PTPRN2: variants seen among roughly 807,000 people sequenced by gnomAD.
PTPRN2 encodes protein tyrosine phosphatase receptor type N2.
Under a neutral mutation model 118.8 loss-of-function variants are expected in PTPRN2, and 74 were observed. That is an observed-to-expected ratio of 0.62 (90% CI 0.52 to 0.76). PTPRN2 has a LOEUF of 0.76. PTPRN2 is among the 30% of genes least tolerant of loss of function. The pLI is 0.00. For missense variants in PTPRN2, 1,481 were observed against 1,394.4 expected, an observed-to-expected ratio of 1.06 and a Z score of -0.99; for synonymous variants, 641 against 608.0, an observed-to-expected ratio of 1.05 and a Z score of -0.80.
chr7:158,053,931 CGCAGAGACTCCAGAGAT>C (rs1381846387), intron 11 of PTPRN2, among the ~76,000 whole-genome samples: 3 of 127,334 alleles, frequency 2.4e-5, no homozygotes, highest in Non-Finnish European at 1.6e-5. Context: ...ACTCCAGAGA[CGCAGAGACTCCAGAGAT>C]GCAGAGACCC....
chr7:158,012,240 C>A (rs1485122006), intron 11 of PTPRN2, among the ~76,000 whole-genome samples: 2 of 152,058 alleles, frequency 1.3e-5, no homozygotes, highest in African/African-American at 4.8e-5. Context: ...TCAGTGAGTG[C>A]GTGAATAGGT....
At chr7:157,553,558 G>A (rs980818234) in intron 21 of PTPRN2, among the ~76,000 whole-genome samples, 1 of 152,212 alleles carries the variant, frequency 6.6e-6, no homozygotes, top group Non-Finnish European at 1.5e-5. Context: ...TGTGGTTTGT[G>A]AGGAAAAGTG....
intron 12 of PTPRN2, among the ~76,000 whole-genome samples, chr7:157,744,116 CAT>C (rs1386175650): frequency 1.1e-4 from 17 of 152,340 alleles, no homozygotes; most frequent in East Asian, 9.7e-4. Flanking sequence ...TAATTCAACA[CAT>C]GTTTCCTGAG....
At chr7:158,011,712 A>G (rs1437262528) in intron 11 of PTPRN2, among the ~76,000 whole-genome samples, 1 of 152,218 alleles carries the variant, frequency 6.6e-6, no homozygotes, top group Non-Finnish European at 1.5e-5. Flanking sequence ...ATCGGGGACA[A>G]GGGGTTTGAA....
intron 3 of PTPRN2, among the ~76,000 whole-genome samples, chr7:158,293,015 T>C (rs1174532774): frequency 6.6e-6 from 1 of 150,726 alleles, no homozygotes; most frequent in African/African-American, 2.4e-5. Context: ...TTGCAGTGAG[T>C]CAAGATCACG....
At chr7:158,120,060 G>C (rs1054444413) in intron 9 of PTPRN2, among the ~76,000 whole-genome samples, 1 of 152,204 alleles carries the variant, frequency 6.6e-6, no homozygotes. Flanking sequence ...CAACAGGGAT[G>C]AACCCTGAAA....
chr7:158,146,487 T>C (rs1348391080), intron 6 of PTPRN2, among the ~76,000 whole-genome samples: 1 of 152,104 alleles, frequency 6.6e-6, no homozygotes, highest in Non-Finnish European at 1.5e-5. Context: ...TTTGGGACGC[T>C]GAGGCATGCG....
At position 157,580,710 on chromosome 7, in the gene PTPRN2, C is replaced by G. The variant is rs1461136158; in HGVS notation, c.2497-2570G>C. On this transcript the variant is annotated intron_variant, in intron 17 of 22. Coordinates refer to ENST00000389418, the MANE Select transcript of PTPRN2 (RefSeq NM_002847.5). ...CCAGCACCTGGACACCCGAGCCCCT[C>G]CACACTCCAGCACCTGGACACACCA... Among the ~76,000 whole-genome samples the G allele has an allele frequency of 9.5e-4, 101 of 106,088 alleles. 3 individuals are homozygous for G. The highest frequency in any genetic ancestry group is 8.5e-3 in the Middle Eastern group (1 of 118). The allele number at this position is 106,088 out of a possible 152,430, so 69.6% of individuals were successfully genotyped here. A position where few individuals can be genotyped will look rare whatever the true frequency, so the allele number is the denominator to read the frequency against.
Position 157,808,817 on chromosome 7 carries a change from G to A in PTPRN2, c.1788+89856C>T, listed in dbSNP as rs986201910. On this transcript the variant is annotated intron_variant, in intron 12 of 22. Transcript: ENST00000389418. The surrounding 1 kb of genome is among the most constrained non-coding windows in gnomAD (Gnocchi z 5.0). ...CTGGACAAACCCTGGGCCTGGAATT[G>A]ACCTTGTTGAAAACACTCTTTTGGA... 1.4e-4 allele frequency among the ~76,000 whole-genome samples: 22 copies of A among 152,140 alleles called. No homozygotes were observed. The highest frequency in any genetic ancestry group is 5.3e-4 in the African/African-American group (22 of 41,446).
At chr7:158,124,726 G>A (rs1309068187) in intron 9 of PTPRN2, among the ~76,000 whole-genome samples, 1 of 152,078 alleles carries the variant, frequency 6.6e-6, no homozygotes, top group East Asian at 1.9e-4. Context: ...CGGGGCGGAG[G>A]GAGGGCCTGG....
At chr7:157,703,523 G>C (rs1411780236) in intron 12 of PTPRN2, among the ~76,000 whole-genome samples, 2 of 152,198 alleles carry the variant, frequency 1.3e-5, no homozygotes, top group African/African-American at 2.4e-5. Flanking sequence ...GCTAAGTTTC[G>C]GGATAACTCG....
intron 11 of PTPRN2, among the ~76,000 whole-genome samples, chr7:158,052,516 C>G (rs1454653420): frequency 6.6e-6 from 1 of 152,212 alleles, no homozygotes; most frequent in Non-Finnish European, 1.5e-5. Flanking sequence ...GAGTCTCCGC[C>G]GCATGGATGG....
At position 158,158,573 on chromosome 7, in the gene PTPRN2, GCCGGGA is replaced by G. The variant is rs1385718704; in HGVS notation, c.910+8352_910+8357del. Reference sequence around the variant, plus strand: ...GGAGAATCAGGAGCCCGTGTGATTGGCCGGGACTTCGCAAGTGCTTTCTGAATGAAT... The same window carrying G: ...GGAGAATCAGGAGCCCGTGTGATTGGCTTCGCAAGTGCTTTCTGAATGAAT... On this transcript the variant is annotated intron_variant, in intron 6 of 22. Coordinates refer to ENST00000389418, the MANE Select transcript of PTPRN2 (RefSeq NM_002847.5). Among the ~76,000 whole-genome samples the G allele has an allele frequency of 1.0e-3, 152 of 150,216 alleles. 9 individuals are homozygous for G. In the East Asian group the frequency reaches 0.011, roughly 11 times the overall value.
Position 158,518,292 on chromosome 7 carries a change from T to C in PTPRN2, c.113-28507A>G, listed in dbSNP as rs1014328153. On this transcript the variant is annotated intron_variant, in intron 1 of 22. Coordinates refer to ENST00000389418, the MANE Select transcript of PTPRN2 (RefSeq NM_002847.5). ...GGTGGGAGAAGGATATGAACATTAA[T>C]AGAGACGATACGGATTTCACGGGGT... Among the ~76,000 whole-genome samples, 8 of 152,184 alleles carry C rather than the reference T, an allele frequency of 5.3e-5. No homozygotes were observed. In the East Asian group the frequency reaches 1.5e-3, roughly 29 times the overall value.
chr7:158,286,983 T>C (rs1799809837), intron 3 of PTPRN2, among the ~76,000 whole-genome samples: 1 of 152,216 alleles, frequency 6.6e-6, no homozygotes, highest in Non-Finnish European at 1.5e-5. Flanking sequence ...GGTCCTGAAC[T>C]CTTTTTATGG....
At chr7:158,484,672 TTGTATAAA>T (rs1240883382) in intron 2 of PTPRN2, among the ~76,000 whole-genome samples, 2 of 152,168 alleles carry the variant, frequency 1.3e-5, no homozygotes, top group East Asian at 3.9e-4. Context: ...CCTGGACATT[TTGTATAAA>T]TGAAATCATG....
chr7:157,580,806 G>C (rs1211459160), intron 17 of PTPRN2, among the ~76,000 whole-genome samples: 5 of 113,322 alleles, frequency 4.4e-5, no homozygotes, highest in Admixed American at 9.3e-5. Context: ...CCCAGCACCT[G>C]CACACCCCAG....
Position 158,570,977 on chromosome 7 carries a change from T to C in PTPRN2, c.112+16581A>G, listed in dbSNP as rs915095112. On this transcript the variant is annotated intron_variant, in intron 1 of 22. Coordinates refer to ENST00000389418, the MANE Select transcript of PTPRN2 (RefSeq NM_002847.5). The surrounding 1 kb of genome is among the most constrained non-coding windows in gnomAD (Gnocchi z 4.5). ...GATGGCAAAGCCATACGCAGGAGCC[T>C]TCCCAGCAGCCGCCGCCATGGCTGA... Among the ~76,000 whole-genome samples the C allele has an allele frequency of 8.5e-5, 13 of 152,210 alleles. No homozygotes were observed. The highest frequency in any genetic ancestry group is 3.1e-4 in the African/African-American group (13 of 41,440).
intron 4 of PTPRN2, among the ~76,000 whole-genome samples, chr7:158,201,911 G>A (rs549589455): frequency 2.0e-5 from 3 of 152,098 alleles, no homozygotes; most frequent in African/African-American, 7.2e-5. Context: ...AGCACCCTGG[G>A]CCCATGTTCT....
Sources: allele counts gnomAD v4.1 joint callset (sites outside exome capture counted in the v4.1 genomes callset), GRCh38; gene constraint gnomAD v4.1.1; non-coding constraint Gnocchi (gnomAD v3.1); transcripts MANE v1.5; gene names NCBI Gene and HGNC (gene_info 2026-07-23, HGNC 2026-07-21).